RBFOX1: variants seen among roughly 807,000 people sequenced by gnomAD.
The protein encoded by RBFOX1 is RNA binding fox-1 homolog 1.
In RBFOX1, 8 loss-of-function variants were observed where a neutral mutation model predicts 57.7. The observed-to-expected ratio is 0.14, with a 90% CI of 0.08 to 0.25. RBFOX1 has a LOEUF of 0.25. Among genes scored for constraint, RBFOX1 ranks in the 10% least tolerant of loss-of-function variants. RBFOX1 has a pLI of 1.00. For missense variants in RBFOX1, 611 were observed against 548.5 expected (o/e 1.11, Z -1.14); for synonymous variants, 326 against 222.4 (o/e 1.47, Z -4.15).
At chr16:7,386,405 G>T (rs1176154496) in intron 4 of RBFOX1, among the ~76,000 whole-genome samples, 1 of 125,754 alleles carries the variant, frequency 8.0e-6, no homozygotes, top group African/African-American at 3.0e-5. Context: ...ACAGGCCCCA[G>T]TGTGTGATGT....
chr16:6,826,823 GATAA>G (rs1010904897), intron 3 of RBFOX1, among the ~76,000 whole-genome samples: 3 of 152,066 alleles, frequency 2.0e-5, no homozygotes, highest in African/African-American at 4.8e-5. Flanking sequence ...ATTAATGTAA[GATAA>G]ATTAATTTTA....
At chr16:7,487,206 C>G (rs1035416095) in intron 4 of RBFOX1, among the ~76,000 whole-genome samples, 1 of 152,202 alleles carries the variant, frequency 6.6e-6, no homozygotes, top group South Asian at 2.1e-4. Context: ...TAACCACTTT[C>G]AGGCATTTGA....
intron 2 of RBFOX1, among the ~76,000 whole-genome samples, chr16:5,597,437 C>T (rs543459781): frequency 4.3e-5 from 6 of 140,778 alleles, no homozygotes; most frequent in Non-Finnish European, 9.1e-5. Flanking sequence ...TTGATCTCGT[C>T]GCTCAGGCTG....
At chr16:5,584,244 A>G (rs2046761605) in intron 2 of RBFOX1, among the ~76,000 whole-genome samples, 1 of 152,074 alleles carries the variant, frequency 6.6e-6, no homozygotes, top group African/African-American at 2.4e-5. Context: ...CCCCAACTTC[A>G]TTTTGCAAGA....
intron 4 of RBFOX1, among the ~76,000 whole-genome samples, chr16:5,919,463 C>G (rs1185660364): frequency 6.6e-6 from 1 of 152,116 alleles, no homozygotes; most frequent in African/African-American, 2.4e-5. Flanking sequence ...CTGCCTCAGC[C>G]TCCCGAGTAG....
At chr16:5,960,953 A>G (rs2059735783) in intron 4 of RBFOX1, among the ~76,000 whole-genome samples, 1 of 152,154 alleles carries the variant, frequency 6.6e-6, no homozygotes, top group Non-Finnish European at 1.5e-5. Flanking sequence ...GCTCCCTCCC[A>G]AGATGGCCAG....
rs111703740 is a variant in RBFOX1 at position 6,574,907 on chromosome 16, G to C, written c.-63-79696G>C. 1.3e-5 allele frequency among the ~76,000 whole-genome samples: 2 copies of C among 151,160 alleles called. 1 individual carries two copies. Among genetic ancestry groups the C allele is most frequent in the South Asian group, 4.2e-4 (2 of 4,768 alleles). On this transcript the variant is annotated intron_variant, in intron 2 of 15. Coordinates refer to ENST00000550418, the MANE Select transcript of RBFOX1 (RefSeq NM_018723.4). ...CAAAAAATTTGGCAGGCGTGGTGGC[G>C]GGCGCCTGTAGTCCCAGCTACTCGG...
chr16:6,363,161 T>C (rs2088911044), intron 2 of RBFOX1, among the ~76,000 whole-genome samples: 1 of 152,196 alleles, frequency 6.6e-6, no homozygotes, highest in African/African-American at 2.4e-5. Flanking sequence ...TTCAAAAGCA[T>C]TTTTTATTTA....
At chr16:5,684,438 A>C (rs1481517305) in intron 3 of RBFOX1, among the ~76,000 whole-genome samples, 1 of 152,138 alleles carries the variant, frequency 6.6e-6, no homozygotes, top group African/African-American at 2.4e-5. Context: ...AATGCTCTGC[A>C]ACTCCCACGT....
At chr16:6,903,942 C>A (rs924653038) in intron 3 of RBFOX1, among the ~76,000 whole-genome samples, 3 of 152,072 alleles carry the variant, frequency 2.0e-5, no homozygotes, top group African/African-American at 7.2e-5. Flanking sequence ...GAGGCTGGCA[C>A]CATTTGGAGG....
At chr16:5,259,020 G>T (rs561923608) in intron 1 of RBFOX1, among the ~76,000 whole-genome samples, 2 of 152,120 alleles carry the variant, frequency 1.3e-5, no homozygotes, top group African/African-American at 4.8e-5. Flanking sequence ...GGAGGAGGGG[G>T]TGACCTTCAG....
intron 3 of RBFOX1, among the ~76,000 whole-genome samples, chr16:7,017,489 T>G (rs1020430547): frequency 6.6e-6 from 1 of 152,176 alleles, no homozygotes; most frequent in Non-Finnish European, 1.5e-5. Flanking sequence ...TTGTAAAATA[T>G]AGCCAGATAC....
chr16:7,034,834 TTTTTTTC>T (rs1321370059), intron 3 of RBFOX1, among the ~76,000 whole-genome samples: 21 of 86,102 alleles, frequency 2.4e-4, no homozygotes, highest in African/African-American at 7.8e-4. Flanking sequence ...TTACTTTTTT[TTTTTTTC>T]TTTTTTCTTT....
At chr16:6,178,233 C>T (rs2097030184) in intron 1 of RBFOX1, among the ~76,000 whole-genome samples, 1 of 125,532 alleles carries the variant, frequency 8.0e-6, no homozygotes, top group African/African-American at 3.1e-5. Flanking sequence ...ATTCCCCAGG[C>T]TGGAGTACAG....
chr16:6,557,059 A>G (rs1413317267), intron 2 of RBFOX1, among the ~76,000 whole-genome samples: 1 of 145,068 alleles, frequency 6.9e-6, no homozygotes, highest in Non-Finnish European at 1.5e-5. Context: ...ATATATACAT[A>G]TATACATACA....
chr16:6,918,385 C>A (rs2073729130), intron 3 of RBFOX1, among the ~76,000 whole-genome samples: 1 of 152,012 alleles, frequency 6.6e-6, no homozygotes, highest in South Asian at 2.1e-4. Context: ...TAACAAGCTA[C>A]CCGGGTGATT....
intron 4 of RBFOX1, among the ~76,000 whole-genome samples, chr16:7,183,331 T>G (rs932358142): frequency 1.3e-5 from 2 of 152,176 alleles, no homozygotes; most frequent in Non-Finnish European, 2.9e-5. Context: ...GGGTAGGGGT[T>G]GATCTCAAAT....
chr16:5,402,411 G>C (rs1161291139), intron 1 of RBFOX1, among the ~76,000 whole-genome samples: 2 of 152,120 alleles, frequency 1.3e-5, no homozygotes, highest in Non-Finnish European at 2.9e-5. Flanking sequence ...AGACGTGAGA[G>C]GCCAGTGGAA....
chr16:6,504,096 G>T (rs556510674), intron 2 of RBFOX1, among the ~76,000 whole-genome samples: 12 of 152,098 alleles, frequency 7.9e-5, no homozygotes, highest in African/African-American at 2.9e-4. Flanking sequence ...TTCCTTCAGT[G>T]AAATGGCAGC....
Sources: allele counts gnomAD v4.1 joint callset (sites outside exome capture counted in the v4.1 genomes callset), GRCh38; gene constraint gnomAD v4.1.1; transcripts MANE v1.5; gene names NCBI Gene and HGNC (gene_info 2026-07-23, HGNC 2026-07-21).